NDC80: variants seen among roughly 807,000 people sequenced by gnomAD.
NDC80 encodes the protein NDC80 kinetochore complex component.
In NDC80, 69 loss-of-function variants were observed where a neutral mutation model predicts 89.3. That is an observed-to-expected ratio of 0.77 (90% CI 0.64 to 0.94). The LOEUF (loss-of-function observed/expected upper bound fraction) is 0.94. NDC80 is among the 40% of genes least tolerant of loss of function. NDC80 has a pLI of 0.00. For synonymous variants in NDC80, 243 were observed against 255.6 expected (o/e 0.95, Z 0.47); for missense variants, 593 against 739.6 (o/e 0.80, Z 2.30).
chr18:2,589,458 G>T (rs570620236), intron 9 of NDC80, 148 bp downstream of exon 9: 2 of 620,486 alleles, frequency 3.2e-6, no homozygotes, highest in Admixed American at 3.0e-5. Flanking sequence ...AACTCCCAAT[G>T]AAAACATGTT....
intron 13 of NDC80, among the ~76,000 whole-genome samples, chr18:2,605,296 GTGTGTGTGTGTGT>G (rs1462293416): frequency 6.8e-6 from 1 of 147,922 alleles, no homozygotes; most frequent in African/African-American, 2.6e-5. Context: ...GTGTGTGTGT[GTGTGTGTGTGTGT>G]GTGTGTGTGT....
intron 16 of NDC80, 76 bp downstream of exon 16, chr18:2,610,937 T>G: frequency 1.1e-6 from 1 of 892,682 alleles, no homozygotes; most frequent in Non-Finnish European, 1.6e-6. Context: ...TTCTTCCATA[T>G]AAATTAAATG....
chr18:2,598,653 T>C (rs994415940), intron 11 of NDC80, among the ~76,000 whole-genome samples: 5 of 152,244 alleles, frequency 3.3e-5, no homozygotes, highest in African/African-American at 1.2e-4. Context: ...TTTTAATTTG[T>C]ACATTGACAA....
At chr18:2,609,339 G>C (rs1246252683) in intron 15 of NDC80, among the ~76,000 whole-genome samples, 1 of 151,938 alleles carries the variant, frequency 6.6e-6, no homozygotes, top group Non-Finnish European at 1.5e-5. Context: ...CAGGACCTAC[G>C]GGAAAACTGA....
intron 7 of NDC80, among the ~76,000 whole-genome samples, chr18:2,586,338 C>T (rs2072602814): frequency 6.6e-6 from 1 of 152,148 alleles, no homozygotes. Flanking sequence ...TTTGATCCCA[C>T]CCTTGAGAAA....
chr18:2,591,202 CTT>C (rs1171745534), intron 10 of NDC80, among the ~76,000 whole-genome samples: 5 of 152,162 alleles, frequency 3.3e-5, no homozygotes, highest in Non-Finnish European at 7.3e-5. Flanking sequence ...AAAGAAAGCT[CTT>C]TTATGTCTTA....
chr18:2,581,377 T>C (rs1241638246), intron 6 of NDC80, among the ~76,000 whole-genome samples: 1 of 152,102 alleles, frequency 6.6e-6, no homozygotes, highest in Non-Finnish European at 1.5e-5. Context: ...AAAACTGATA[T>C]TGGTCGGGCA....
chr18:2,606,790 A>T (rs1051645863), intron 14 of NDC80, among the ~76,000 whole-genome samples: 1 of 152,022 alleles, frequency 6.6e-6, no homozygotes, highest in African/African-American at 2.4e-5. Flanking sequence ...ATCCTTGCAA[A>T]ACTAAACAGA....
At chr18:2,606,900 G>C (rs1417199838) in intron 14 of NDC80, among the ~76,000 whole-genome samples, 2 of 152,042 alleles carry the variant, frequency 1.3e-5, no homozygotes, top group Non-Finnish European at 2.9e-5. Flanking sequence ...AAGAGTCATT[G>C]TAAACTGACT....
At chr18:2,614,132 A>C (rs562013107) in intron 16 of NDC80, among the ~76,000 whole-genome samples, 1 of 152,294 alleles carries the variant, frequency 6.6e-6, no homozygotes, top group African/African-American at 2.4e-5. Context: ...TAAATTGATA[A>C]AATAATTTTA....
At chr18:2,585,694 G>A (rs533098707) in intron 7 of NDC80, among the ~76,000 whole-genome samples, 40 of 151,216 alleles carry the variant, frequency 2.6e-4, no homozygotes, top group African/African-American at 9.2e-4. Context: ...TAATATTAAT[G>A]GATCTGTTTG....
Position 2,601,487 on chromosome 18 carries a change from TA to T in NDC80, c.1464+4del. 1 of 1,291,582 alleles carries T rather than the reference TA, an allele frequency of 7.7e-7. No homozygotes were observed. The highest frequency in any genetic ancestry group is 1.1e-6 in the Non-Finnish European group (1 of 948,106). 80.0% of individuals were successfully genotyped at this position (1,291,582 alleles called of 1,614,324 possible). On this transcript the variant is annotated splice_donor_region_variant and intron_variant, in intron 13 of 16. Coordinates refer to ENST00000261597, the MANE Select transcript of NDC80 (RefSeq NM_006101.3). ...GGTTTGGAGGATACTTTAGAACAAG[TA>T]AGTAATAAAACATAAAAAGTCATAA... is the stretch of plus-strand genomic sequence containing the variant.
Position 2,579,032 on chromosome 18 carries a change from A to G in NDC80, c.579+3A>G. ...TTTGGCTAATAGACTGCATCAAGGTATTTGATTTGTTCTTTTGAAATGTAT... is the reference window on the plus strand; with the variant it reads ...TTTGGCTAATAGACTGCATCAAGGTGTTTGATTTGTTCTTTTGAAATGTAT... On this transcript the variant is annotated splice_donor_region_variant and intron_variant, in intron 6 of 16. Coordinates refer to ENST00000261597, the MANE Select transcript of NDC80 (RefSeq NM_006101.3). The G allele has an allele frequency of 1.3e-6, 2 of 1,501,834 alleles. No individual in the cohort carries two copies. The highest frequency in any genetic ancestry group is 2.5e-5 in the East Asian group (1 of 40,480). 93.0% of individuals were successfully genotyped at this position (1,501,834 alleles called of 1,614,324 possible). A position where few individuals can be genotyped will look rare whatever the true frequency, so the allele number is the denominator to read the frequency against.
chr18:2,612,534 C>T (rs2143672909), intron 16 of NDC80, among the ~76,000 whole-genome samples: 1 of 152,072 alleles, frequency 6.6e-6, no homozygotes, highest in South Asian at 2.1e-4. Context: ...AGTGATCTGC[C>T]CACCTCAGCC....
At chr18:2,574,129 AC>A (rs1265153964) in intron 2 of NDC80, among the ~76,000 whole-genome samples, 2 of 152,196 alleles carry the variant, frequency 1.3e-5, no homozygotes, top group African/African-American at 4.8e-5. Flanking sequence ...CAGGGAACAG[AC>A]AAACAGCACA....
intron 10 of NDC80, chr18:2,593,744 C>T: frequency 4.2e-6 from 1 of 237,224 alleles, no homozygotes; most frequent in Non-Finnish European, 8.6e-6. Flanking sequence ...ACCAGTATAT[C>T]CTGGAACCAA....
intron 3 of NDC80, 130 bp from the exon 4 acceptor site, chr18:2,577,614 AAG>A (rs1400087517): frequency 5.4e-5 from 52 of 958,694 alleles, no homozygotes; most frequent in Middle Eastern, 2.9e-4. Flanking sequence ...TGCTTTAAAT[AAG>A]AGAATTCTGT....
At chr18:2,583,806 A>C (rs1024797641) in intron 6 of NDC80, among the ~76,000 whole-genome samples, 2 of 152,158 alleles carry the variant, frequency 1.3e-5, no homozygotes, top group Admixed American at 6.5e-5. Context: ...TAAACAAAGA[A>C]TCTTCTGAAT....
At chr18:2,607,378 A>G (rs1598245704) in intron 14 of NDC80, among the ~76,000 whole-genome samples, 1 of 152,180 alleles carries the variant, frequency 6.6e-6, no homozygotes, top group East Asian at 1.9e-4. Context: ...TAGTTAATAC[A>G]TCTGTGAAAT....
Sources: allele counts gnomAD v4.1 joint callset (sites outside exome capture counted in the v4.1 genomes callset), GRCh38; gene constraint gnomAD v4.1.1; transcripts MANE v1.5; gene names NCBI Gene and HGNC (gene_info 2026-07-23, HGNC 2026-07-21).